Variants in ODAD2 observed in about 807,000 individuals in gnomAD.
ODAD2 encodes the protein outer dynein arm-docking complex subunit 2.
Under a neutral mutation model 106.8 loss-of-function variants are expected in ODAD2, and 89 were observed. The ratio of observed to expected loss-of-function variants is 0.83; its 90% CI spans 0.70 to 0.99. The LOEUF (loss-of-function observed/expected upper bound fraction) is 0.99. ODAD2 is among the 50% of genes least tolerant of loss of function. ODAD2 has a pLI of 0.00. For synonymous variants in ODAD2, 404 were observed against 436.2 expected, an observed-to-expected ratio of 0.93 and a Z score of 0.92; for missense variants, 1,168 against 1,238.5, an observed-to-expected ratio of 0.94 and a Z score of 0.85.
At position 27,939,936 on chromosome 10, in the gene ODAD2, A is replaced by G. The variant is rs7893462; in HGVS notation, c.2058T>C (p.Asn686=). 0.53 allele frequency: 853,314 copies of G among 1,608,196 alleles called. 227,820 individuals are homozygous for G. The highest frequency in any genetic ancestry group is 0.65 in the Middle Eastern group (3,901 of 6,042). The change falls in exon 14 of 20, where the codon AAT becomes AAC. Residue 686 remains asparagine, a synonymous_variant. Coordinates refer to ENST00000305242, the MANE Select transcript of ODAD2 (RefSeq NM_018076.5). ...ENLVKNLNSE[N]EQLQEHCAMA... ...TGGCGCAGTGCTCCTGCAGCTGCTC[A>G]TTCTCACTATTTAGGTTCTTGACAA...
chr10:27,880,263 A>T (rs186067510), intron 17 of ODAD2, among the ~76,000 whole-genome samples: 1 of 152,302 alleles, frequency 6.6e-6, no homozygotes, highest in East Asian at 1.9e-4. Context: ...TTTAGATATA[A>T]ATTTCACCTT....
intron 19 of ODAD2, among the ~76,000 whole-genome samples, chr10:27,813,753 G>A (rs985370831): frequency 6.6e-6 from 1 of 152,112 alleles, no homozygotes; most frequent in Non-Finnish European, 1.5e-5. Flanking sequence ...TTACTCAGGG[G>A]AATGACATGA....
intron 17 of ODAD2, among the ~76,000 whole-genome samples, chr10:27,905,725 C>G (rs991361779): frequency 3.9e-5 from 6 of 152,158 alleles, no homozygotes; most frequent in Non-Finnish European, 8.8e-5. Context: ...CATCTACAAC[C>G]ATCTGATCTT....
At chr10:27,912,767 G>A (rs934080014) in intron 16 of ODAD2, among the ~76,000 whole-genome samples, 1 of 152,108 alleles carries the variant, frequency 6.6e-6, no homozygotes, top group Non-Finnish European at 1.5e-5. Context: ...TAAAGGATGC[G>A]ACTGTCATCT....
intron 10 of ODAD2, 88 bp downstream of exon 10, chr10:27,961,480 C>G (rs184309480): frequency 3.9e-6 from 5 of 1,289,824 alleles, no homozygotes; most frequent in South Asian, 1.4e-5. Context: ...TTGAAAGAAA[C>G]GTAAAGTAAA....
chr10:27,832,461 T>C (rs182354684), intron 19 of ODAD2, among the ~76,000 whole-genome samples: 1 of 152,300 alleles, frequency 6.6e-6, no homozygotes, highest in East Asian at 1.9e-4. Flanking sequence ...TCTTGTCCCT[T>C]GTATCGCAGC....
intron 19 of ODAD2, among the ~76,000 whole-genome samples, chr10:27,824,668 A>C (rs1836899195): frequency 6.6e-6 from 1 of 152,206 alleles, no homozygotes. Flanking sequence ...TATTTGAAAC[A>C]ATCCATAGGT....
At chr10:27,854,185 C>A (rs888339161) in intron 19 of ODAD2, among the ~76,000 whole-genome samples, 2 of 152,050 alleles carry the variant, frequency 1.3e-5, no homozygotes, top group African/African-American at 4.8e-5. Context: ...CCATGACATA[C>A]CTGTTAGAAT....
chr10:27,845,760 G>C (rs1280383232), intron 19 of ODAD2, among the ~76,000 whole-genome samples: 2 of 152,080 alleles, frequency 1.3e-5, no homozygotes, highest in African/African-American at 4.8e-5. Context: ...AAAAAAGGCA[G>C]GAGTTGCAAT....
intron 2 of ODAD2, 133 bp from the exon 3 acceptor site, chr10:27,987,676 T>C (rs1849960236): frequency 8.8e-6 from 5 of 566,920 alleles, no homozygotes; most frequent in Non-Finnish European, 1.4e-5. Flanking sequence ...ATCTGGTTAG[T>C]AGCTCATCTG....
chr10:27,868,156 C>G (rs146984777), intron 17 of ODAD2, among the ~76,000 whole-genome samples: 1 of 152,040 alleles, frequency 6.6e-6, no homozygotes, highest in East Asian at 1.9e-4. Flanking sequence ...GTGAGAATGA[C>G]GATCATTAAA....
At chr10:27,874,473 G>A (rs1841164716) in intron 17 of ODAD2, among the ~76,000 whole-genome samples, 1 of 152,164 alleles carries the variant, frequency 6.6e-6, no homozygotes, top group Non-Finnish European at 1.5e-5. Flanking sequence ...ATTTTGGCAT[G>A]TTTTTGCAGT....
At chr10:27,816,484 C>T (rs1380834428) in intron 19 of ODAD2, among the ~76,000 whole-genome samples, 1 of 152,130 alleles carries the variant, frequency 6.6e-6, no homozygotes, top group Admixed American at 6.5e-5. Context: ...TTCATTTGAA[C>T]AGCCATATGG....
intron 19 of ODAD2, among the ~76,000 whole-genome samples, chr10:27,840,408 C>T (rs1257041195): frequency 6.6e-6 from 1 of 152,190 alleles, no homozygotes; most frequent in African/African-American, 2.4e-5. Context: ...TTTTGGAGTG[C>T]CTTCCCAGCA....
intron 18 of ODAD2, 73 bp from the exon 19 acceptor site, chr10:27,860,919 T>A: frequency 7.6e-7 from 1 of 1,315,778 alleles, no homozygotes; most frequent in Admixed American, 1.8e-5. Flanking sequence ...AAGCACTTTA[T>A]GTTTATTAAC....
At position 27,860,824 on chromosome 10, in the gene ODAD2, T is replaced by C. The variant is rs1427683744; in HGVS notation, c.2822A>G (p.His941Arg). Residue 941 changes from histidine to arginine, a missense_variant, in exon 19 of 20, where the codon CAT (histidine) becomes CGT (arginine). Physicochemically the swap from His to Arg is conservative, Grantham distance 29. Around this residue, in one of 3 missense-constraint regions of ODAD2, gnomAD observed 701 missense variants for 712.3 expected, o/e 0.98. Transcript: ENST00000305242. ...ANTNNNKLRH[H>R]LAEAISRCCM... ...GCAACGTGAAATAGCTTCTGCTAGA[T>C]GATGTCTCAATTTATTGTTATTCTG... The C allele has an allele frequency of 2.5e-6, 4 of 1,614,128 alleles. No individual in the cohort carries two copies. The highest frequency in any genetic ancestry group is 3.4e-6 in the Non-Finnish European group (4 of 1,179,984).
intron 19 of ODAD2, among the ~76,000 whole-genome samples, chr10:27,828,487 G>A (rs1589765750): frequency 6.6e-6 from 1 of 152,158 alleles, no homozygotes; most frequent in Non-Finnish European, 1.5e-5. Flanking sequence ...TTAGACTGAA[G>A]GTAACTACAG....
At position 27,981,481 on chromosome 10, in the gene ODAD2, TTC is replaced by T; in HGVS notation, c.919_920del (p.Glu307LysfsTer4). 6.6e-7 allele frequency: 1 copy of T among 1,513,402 alleles called. No individual in the cohort carries two copies. Among genetic ancestry groups the T allele is most frequent in the Non-Finnish European group, 8.8e-7 (1 of 1,141,746 alleles). 93.7% of individuals were successfully genotyped at this position (1,513,402 alleles called of 1,614,324 possible). ...TAAAACTTACCAATTTAGACATATT[TTC>T]TGAAAATTTTGGTGATTTTTCTCTT... ...FLREKSPKFS[E>X]NMSKLGISFS... On this transcript the variant is annotated frameshift_variant, in exon 7 of 20. Coordinates refer to ENST00000305242, the MANE Select transcript of ODAD2 (RefSeq NM_018076.5). LOFTEE classifies it high-confidence loss of function.
chr10:27,890,955 G>A (rs1056530531), intron 17 of ODAD2, among the ~76,000 whole-genome samples: 41 of 152,188 alleles, frequency 2.7e-4, no homozygotes, highest in African/African-American at 8.7e-4. Context: ...AGAAAAAAAA[G>A]TTGATTATTT....
Sources: gnomAD v4.1 joint callset for allele counts (sites outside exome capture counted in the v4.1 genomes callset) on GRCh38, gnomAD v4.1.1 for gene constraint, gnomAD v4.1.1 regional missense constraint, MANE v1.5 for transcripts, NCBI Gene and HGNC (gene_info 2026-07-23, HGNC 2026-07-21) for gene names.